MR1: variants seen among roughly 807,000 people sequenced by gnomAD.
MR1 encodes the protein major histocompatibility complex class I-related protein 1.
A neutral mutation model predicts 37.8 loss-of-function variants in MR1; 44 were observed. That is an observed-to-expected ratio of 1.16 (90% CI 0.91 to 1.50). The LOEUF is 1.50. MR1 is among the 40% of genes most tolerant of loss of function. The pLI, the probability that MR1 is intolerant of heterozygous loss-of-function variation, is 0.00. For missense variants in MR1, 386 were observed against 419.1 expected (o/e 0.92, Z 0.69); for synonymous variants, 153 against 155.8 (o/e 0.98, Z 0.13).
At chr1:181,049,550 C>T (rs71630295) in intron 2 of MR1, 7 of 579,196 alleles carry the variant, frequency 1.2e-5, no homozygotes, top group African/African-American at 7.4e-5. Context: ...TCTCTGTATC[C>T]GTATCTGCAT....
chr1:181,055,476 GA>G lies in MR1; in HGVS notation c.*212del, dbSNP rs1387563842. ...AGACTGTCAGCTTTCAGTCTCTTTTGATGGACTGTTTTATCAGAGTTGACTT... is the reference window on the plus strand; with the variant it reads ...AGACTGTCAGCTTTCAGTCTCTTTTGTGGACTGTTTTATCAGAGTTGACTT... On this transcript the variant is annotated 3_prime_UTR_variant, in exon 6 of 6. Transcript: ENST00000367580. 6 of 567,750 alleles carry G rather than the reference GA, an allele frequency of 1.1e-5. No individual in the cohort carries two copies. Among genetic ancestry groups the G allele is most frequent in the Non-Finnish European group, 1.9e-5 (6 of 320,806 alleles). The allele number at this position is 567,750 out of a possible 1,614,324, so 35.2% of individuals were successfully genotyped here.
rs1460605220 is a variant in MR1 at position 181,055,405 on chromosome 1, A to C, written c.*140A>C. The C allele has an allele frequency of 2.7e-6, 2 of 729,642 alleles. No homozygotes were observed. The highest frequency in any genetic ancestry group is 2.3e-6 in the Non-Finnish European group (1 of 429,410). 45.2% of individuals were successfully genotyped at this position (729,642 alleles called of 1,614,324 possible). ...AGTAATGGGATTGAGCATTTATGGC[A>C]GCAACAGAGGAGCCACAAAATGTTC... is the stretch of plus-strand genomic sequence containing the variant. On this transcript the variant is annotated 3_prime_UTR_variant, in exon 6 of 6. Transcript: ENST00000367580.
intron 1 of MR1, among the ~76,000 whole-genome samples, chr1:181,039,268 G>A (rs186064274): frequency 9.8e-5 from 15 of 152,300 alleles, no homozygotes; most frequent in African/African-American, 3.4e-4. Flanking sequence ...TGATTAAGAT[G>A]CTGCTGCCCT....
At chr1:181,046,982 G>T (rs1456856794) in intron 1 of MR1, among the ~76,000 whole-genome samples, 1 of 151,962 alleles carries the variant, frequency 6.6e-6, no homozygotes, top group African/African-American at 2.4e-5. Context: ...CTCCAGACGC[G>T]CCACCTTAAG....
At chr1:181,040,157 T>C (rs1657484395) in intron 1 of MR1, among the ~76,000 whole-genome samples, 1 of 152,168 alleles carries the variant, frequency 6.6e-6, no homozygotes, top group South Asian at 2.1e-4. Flanking sequence ...TTAGACAGAA[T>C]ACCAAATTCT....
At chr1:181,051,874 T>C (rs896316179) in intron 3 of MR1, among the ~76,000 whole-genome samples, 5 of 152,232 alleles carry the variant, frequency 3.3e-5, no homozygotes, top group Non-Finnish European at 7.3e-5. Flanking sequence ...TATTGCTGAC[T>C]TACTTATTGG....
chr1:181,050,229 T>C lies in MR1; in HGVS notation c.547T>C (p.Cys183Arg). 6.2e-7 allele frequency: 1 copy of C among 1,614,204 alleles called. No homozygotes were observed. Among genetic ancestry groups the C allele is most frequent in the Non-Finnish European group, 8.5e-7 (1 of 1,180,020 alleles). Residue 183 changes from cysteine to arginine, a missense_variant, in exon 3 of 6, where the codon TGT (cysteine) becomes CGT (arginine). Cys to Arg is a radical substitution (Grantham distance 180, BLOSUM62 -3). Transcript: ENST00000367580. ...TCAAAAGAATTGGCTGGAAGAAGAA[T>C]GTATTGCCTGGCTAAAGAGATTCCT... ...LYQKNWLEEECIAWLKRFLEY... is the reference protein window; with the variant it reads ...LYQKNWLEEERIAWLKRFLEY...
chr1:181,061,569 TAC>T lies in MR1; in HGVS notation c.*6306_*6307del, dbSNP rs1248693057. On this transcript the variant is annotated 3_prime_UTR_variant, in exon 6 of 6. Coordinates refer to ENST00000367580, the MANE Select transcript of MR1 (RefSeq NM_001385161.1). Reference sequence around the variant, plus strand: ...TGGTAGAACCAGAACCACTGTGTAGTACATCCAAACGGTTAAAATTCCCTGGA... The same window carrying T: ...TGGTAGAACCAGAACCACTGTGTAGTATCCAAACGGTTAAAATTCCCTGGA... 1.3e-5 allele frequency: 2 copies of T among 152,250 alleles called. No homozygotes were observed. The highest frequency in any genetic ancestry group is 2.4e-5 in the African/African-American group (1 of 41,466). The allele number at this position is 152,250 out of a possible 1,614,324, so 9.4% of individuals were successfully genotyped here. A position where few individuals can be genotyped will look rare whatever the true frequency, so the allele number is the denominator to read the frequency against.
chr1:181,048,420 A>G (rs1349917909), intron 1 of MR1, among the ~76,000 whole-genome samples: 5 of 151,426 alleles, frequency 3.3e-5, no homozygotes, highest in Non-Finnish European at 7.4e-5. Context: ...CTGTAATCTC[A>G]GCTACCTGGG....
At chr1:181,054,217 G>A (rs1403418335) in intron 5 of MR1, among the ~76,000 whole-genome samples, 1 of 152,186 alleles carries the variant, frequency 6.6e-6, no homozygotes, top group Non-Finnish European at 1.5e-5. Flanking sequence ...ATAGGCTCTT[G>A]ATAATGTGGA....
chr1:181,041,300 C>T (rs1657541703), intron 1 of MR1, among the ~76,000 whole-genome samples: 1 of 152,082 alleles, frequency 6.6e-6, no homozygotes, highest in Non-Finnish European at 1.5e-5. Context: ...TGGAATAAAT[C>T]CTGCTATTGG....
intron 1 of MR1, 51 bp from the exon 2 acceptor site, chr1:181,049,001 A>G: frequency 1.3e-6 from 2 of 1,582,958 alleles, no homozygotes; most frequent in Non-Finnish European, 1.7e-6. Flanking sequence ...CAGTTGAAGG[A>G]TCTGGATCAT....
chr1:181,050,231 T>C lies in MR1; in HGVS notation c.549T>C (p.Cys183=), dbSNP rs1373795931. 1 of 1,614,242 alleles carries C rather than the reference T, an allele frequency of 6.2e-7. No individual in the cohort carries two copies. ...LYQKNWLEEE[C]IAWLKRFLEY... ...AAAAGAATTGGCTGGAAGAAGAATGTATTGCCTGGCTAAAGAGATTCCTGG... is the reference window on the plus strand; with the variant it reads ...AAAAGAATTGGCTGGAAGAAGAATGCATTGCCTGGCTAAAGAGATTCCTGG... Residue 183 remains cysteine (C), a synonymous_variant, in exon 3 of 6, where the codon TGT becomes TGC. Transcript: ENST00000367580.
rs1273590258 is a variant in MR1, at chr1:181,058,938, G to C, written c.*3673G>C. ...GAACAACTAAATCACAATCTGTAGA[G>C]TGCTTGATGACCCCAGAATTGGTGC... On this transcript the variant is annotated 3_prime_UTR_variant, in exon 6 of 6. Transcript: ENST00000367580. 6.6e-6 allele frequency: 1 copy of C among 152,252 alleles called. No homozygotes were observed. The highest frequency in any genetic ancestry group is 1.9e-4 in the East Asian group (1 of 5,200). The allele number at this position is 152,252 out of a possible 1,614,324, so 9.4% of individuals were successfully genotyped here.
chr1:181,048,266 T>A (rs1658031527), intron 1 of MR1, among the ~76,000 whole-genome samples: 1 of 150,360 alleles, frequency 6.7e-6, no homozygotes, highest in Non-Finnish European at 1.5e-5. Context: ...CCAGGCGCAG[T>A]GGCTCATGCC....
intron 1 of MR1, among the ~76,000 whole-genome samples, chr1:181,044,414 G>A (rs1428516140): frequency 2.0e-5 from 3 of 152,210 alleles, no homozygotes; most frequent in African/African-American, 7.2e-5. Context: ...GGCAGCAGCA[G>A]GGTGGGCAAT....
chr1:181,043,724 C>T (rs1657695279), intron 1 of MR1, among the ~76,000 whole-genome samples: 1 of 152,168 alleles, frequency 6.6e-6, no homozygotes, highest in Non-Finnish European at 1.5e-5. Context: ...TATGCACACA[C>T]ATACATACAC....
intron 1 of MR1, 125 bp downstream of exon 1, chr1:181,034,199 C>T: frequency 1.3e-6 from 1 of 765,884 alleles, no homozygotes; most frequent in Non-Finnish European, 2.0e-6. Context: ...GTATGTATTA[C>T]ACTCAGACTC....
At chr1:181,054,119 A>G (rs538306307) in intron 5 of MR1, among the ~76,000 whole-genome samples, 65 of 152,360 alleles carry the variant, frequency 4.3e-4, no homozygotes, top group African/African-American at 1.6e-3. Flanking sequence ...TTGTAAATTC[A>G]TTATTCAAAA....
Sources: gnomAD v4.1 joint callset for allele counts (sites outside exome capture counted in the v4.1 genomes callset) on GRCh38, gnomAD v4.1.1 for gene constraint, MANE v1.5 for transcripts, NCBI Gene and HGNC (gene_info 2026-07-23, HGNC 2026-07-21) for gene names.